RPS6KA6: variants seen among roughly 807,000 people sequenced by gnomAD.
RPS6KA6 encodes the protein ribosomal protein S6 kinase A6.
In RPS6KA6, 27 loss-of-function variants were observed where a neutral mutation model predicts 65.4. The ratio of observed to expected loss-of-function variants is 0.41; its 90% CI spans 0.30 to 0.57. The LOEUF (loss-of-function observed/expected upper bound fraction) is 0.57, where lower values mean the gene tolerates loss of function less well. RPS6KA6 is among the 20% of genes least tolerant of loss of function. The pLI is 0.24. For missense variants in RPS6KA6, 486 were observed against 555.6 expected, an observed-to-expected ratio of 0.87 and a Z score of 1.26; for synonymous variants, 190 against 184.2, an observed-to-expected ratio of 1.03 and a Z score of -0.26.
intron 8 of RPS6KA6, among the ~76,000 whole-genome samples, chrX:84,120,382 T>C (rs1359047840): frequency 9.0e-6 from 1 of 111,665 alleles, no homozygotes. Flanking sequence ...TTATACTTTT[T>C]AAAATATTAA....
chrX:84,071,850 G>A lies in RPS6KA6; in HGVS notation c.1972-6739C>T, dbSNP rs776256640. On this transcript the variant is annotated intron_variant, in intron 20 of 21. Transcript: ENST00000262752. ...TGGAACACCTAGAAGAAATTGATAC[G>A]TTCCTGGATATATAAAATCTACCAA... 6.3e-5 allele frequency among the ~76,000 whole-genome samples: 7 copies of A among 111,373 alleles called. No homozygotes were observed. The East Asian group carries it at 1.1e-3, about 18-fold the overall frequency.
intron 8 of RPS6KA6, among the ~76,000 whole-genome samples, chrX:84,130,897 C>A (rs970274953): frequency 3.6e-5 from 4 of 111,885 alleles, no homozygotes; most frequent in African/African-American, 1.3e-4. Context: ...GGTTATGGAA[C>A]TGTTTCATAT....
rs747765010 is a variant in RPS6KA6 at position 84,186,134 on chromosome X, A to T, written c.81+1685T>A. The T allele has an allele frequency of 7.8e-6, 4 of 511,661 alleles. No homozygotes were observed. The South Asian group carries it at 9.9e-5, about 13-fold the overall frequency. 42.2% of individuals were successfully genotyped at this position (511,661 alleles called of 1,213,427 possible). ...ATTTTTCCAAATTGCTGAGGTAGAG[A>T]GACCCATTGTTAAATCTCTACAATA... On this transcript the variant is annotated intron_variant, in intron 1 of 21. Coordinates refer to ENST00000262752, the MANE Select transcript of RPS6KA6 (RefSeq NM_014496.5).
At chrX:84,145,457 T>TA (rs1814556488) in intron 6 of RPS6KA6, 21 bp downstream of exon 6, 2 of 1,006,824 alleles carry the variant, frequency 2.0e-6, no homozygotes, top group African/African-American at 2.0e-5. Flanking sequence ...GAAAATACAG[T>TA]AAAAATGTAC....
At chrX:84,160,324 C>T (rs980293427) in intron 2 of RPS6KA6, among the ~76,000 whole-genome samples, 1 of 111,096 alleles carries the variant, frequency 9.0e-6, no homozygotes, top group African/African-American at 3.3e-5. Flanking sequence ...ATCCAGAGGG[C>T]CAACAGTGCT....
chrX:84,147,880 C>T (rs1207842501), intron 4 of RPS6KA6, among the ~76,000 whole-genome samples, 162 bp downstream of exon 4: 1 of 111,326 alleles, frequency 9.0e-6, no homozygotes, highest in African/African-American at 3.3e-5. Context: ...AAGGCATATG[C>T]CAATATCAAA....
chrX:84,113,224 T>C (rs770466825), intron 12 of RPS6KA6, among the ~76,000 whole-genome samples: 62 of 111,427 alleles, frequency 5.6e-4, no homozygotes, highest in African/African-American at 1.9e-3. Context: ...AAACAAGTTT[T>C]TCCAGACATG....
chrX:84,187,841 C>T lies in RPS6KA6; in HGVS notation c.59G>A (p.Gly20Asp), dbSNP rs1466781874. 1 of 1,206,202 alleles carries T rather than the reference C, an allele frequency of 8.3e-7. No individual in the cohort carries two copies. The change falls in exon 1 of 22, where the codon GGC (glycine) becomes GAC (aspartate). Residue 20 changes from glycine (G) to aspartate (D), a missense_variant. Physicochemically the swap from Gly to Asp is moderately conservative, Grantham distance 94. Around this residue, in one of 3 missense-constraint regions of RPS6KA6, gnomAD observed 106 missense variants for 105.0 expected, o/e 1.01. Coordinates refer to ENST00000262752, the MANE Select transcript of RPS6KA6 (RefSeq NM_014496.5). Reference sequence around the variant, plus strand: ...AACCTCGCCGCTGCTCGCGCCGCCGCCGCTGAACACTTCCATTTCTCGGTC... The same window carrying T: ...AACCTCGCCGCTGCTCGCGCCGCCGTCGCTGAACACTTCCATTTCTCGGTC... ...PWDREMEVFS[G>D]GGASSGEVNG...
chrX:84,151,248 G>T (rs1237603742), intron 3 of RPS6KA6, among the ~76,000 whole-genome samples: 6 of 97,986 alleles, frequency 6.1e-5, no homozygotes, highest in African/African-American at 1.5e-4. Flanking sequence ...GATATATATA[G>T]ATATATATAT....
intron 4 of RPS6KA6, among the ~76,000 whole-genome samples, chrX:84,147,624 T>C (rs1465019627): frequency 1.1e-4 from 12 of 111,614 alleles, no homozygotes; most frequent in Non-Finnish European, 3.8e-5. Flanking sequence ...TTAATCTCTT[T>C]TAATTGTTCA....
chrX:84,179,647 A>G (rs946398052), intron 1 of RPS6KA6, among the ~76,000 whole-genome samples: 8 of 112,044 alleles, frequency 7.1e-5, no homozygotes, highest in South Asian at 7.4e-4. Context: ...AAGAGATTCT[A>G]TAAGTATTCA....
intron 20 of RPS6KA6, among the ~76,000 whole-genome samples, chrX:84,074,393 G>T (rs2033613899): frequency 9.0e-6 from 1 of 111,586 alleles, no homozygotes; most frequent in Non-Finnish European, 1.9e-5. Context: ...GGAGAGATTA[G>T]CAAATGGGTA....
At chrX:84,150,067 G>A (rs890384969) in intron 3 of RPS6KA6, among the ~76,000 whole-genome samples, 26 of 75,558 alleles carry the variant, frequency 3.4e-4, no homozygotes, top group South Asian at 1.8e-3. Flanking sequence ...TTTATGTTAC[G>A]AAAATGGCTT....
At chrX:84,117,907 C>CA (rs2034598208) in intron 9 of RPS6KA6, among the ~76,000 whole-genome samples, 1 of 110,313 alleles carries the variant, frequency 9.1e-6, no homozygotes, top group African/African-American at 3.3e-5. Context: ...AAACAGGAGC[C>CA]AAAAAAGAAG....
chrX:84,111,238 A>T, intron 12 of RPS6KA6, among the ~76,000 whole-genome samples: 1 of 111,039 alleles, frequency 9.0e-6, no homozygotes, highest in Non-Finnish European at 1.9e-5. Context: ...GGCAGAAAGA[A>T]AAAAGAAAAG....
rs749976070 is a variant in RPS6KA6, at chrX:84,064,250, C to A, written c.*27G>T. 8.4e-7 allele frequency: 1 copy of A among 1,192,867 alleles called. No individual in the cohort carries two copies. The highest frequency in any genetic ancestry group is 1.1e-6 in the Non-Finnish European group (1 of 887,311). ...CCACACATTTAATTTCATCTTCATC[C>A]AGTTTGGCCTAGGAACACCACAAAT... On this transcript the variant is annotated 3_prime_UTR_variant, in exon 22 of 22. Coordinates refer to ENST00000262752, the MANE Select transcript of RPS6KA6 (RefSeq NM_014496.5).
chrX:84,107,743 A>G lies in RPS6KA6; in HGVS notation c.1009-18T>C, dbSNP rs758228478. ...TATAATTTCTAGAAGGGACAACCAG[A>G]TAACACAAAACGTATTAAGACTTTA... On this transcript the variant is annotated intron_variant, in intron 12 of 21. Coordinates refer to ENST00000262752, the MANE Select transcript of RPS6KA6 (RefSeq NM_014496.5). 2.2e-6 allele frequency: 2 copies of G among 909,337 alleles called. No individual in the cohort carries two copies. The highest frequency in any genetic ancestry group is 4.4e-5 in the South Asian group (2 of 45,566). 74.9% of individuals were successfully genotyped at this position (909,337 alleles called of 1,213,427 possible).
chrX:84,121,376 G>C (rs1328002953), intron 8 of RPS6KA6, among the ~76,000 whole-genome samples: 1 of 111,810 alleles, frequency 8.9e-6, no homozygotes, highest in African/African-American at 3.2e-5. Flanking sequence ...AGCAAACTTC[G>C]GGTCTTTTTC....
At chrX:84,145,366 G>T in intron 6 of RPS6KA6, 112 bp downstream of exon 6, 1 of 473,255 alleles carries the variant, frequency 2.1e-6, no homozygotes, top group South Asian at 3.5e-5. Context: ...CAATGAAACA[G>T]AGTAGTTACC....
Sources: allele counts gnomAD v4.1 joint callset (sites outside exome capture counted in the v4.1 genomes callset), GRCh38; gene constraint gnomAD v4.1.1; regional missense constraint gnomAD v4.1.1; transcripts MANE v1.5; gene names NCBI Gene and HGNC (gene_info 2026-07-23, HGNC 2026-07-21).